NXPE2: variants seen among roughly 807,000 people sequenced by gnomAD.
The protein encoded by NXPE2 is neurexophilin and PC-esterase domain family member 2, also known as NXPE family member 2.
A neutral mutation model predicts 34.4 loss-of-function variants in NXPE2; 34 were observed. The ratio of observed to expected loss-of-function variants is 0.99; its 90% CI spans 0.75 to 1.31. The LOEUF is 1.31. Among genes scored for constraint, NXPE2 ranks in the 40% most tolerant of loss-of-function variants. The pLI is 0.00. For missense variants in NXPE2, 649 were observed against 672.5 expected (o/e 0.97, Z 0.39); for synonymous variants, 235 against 231.3 (o/e 1.02, Z -0.15).
the NXPE2 span, among the ~76,000 whole-genome samples, chr11:114,558,345 T>C: frequency 6.6e-6 from 1 of 152,166 alleles, no homozygotes; most frequent in African/African-American, 2.4e-5. Flanking sequence ...TAGGCACACA[T>C]AGAGAACAAA....
At chr11:114,600,862 A>G in the NXPE2 span, among the ~76,000 whole-genome samples, 1 of 152,090 alleles carries the variant, frequency 6.6e-6, no homozygotes, top group Non-Finnish European at 1.5e-5. Context: ...AAACTTTTCT[A>G]TAATTCAAAA....
the NXPE2 span, among the ~76,000 whole-genome samples, chr11:114,525,578 C>T: frequency 6.6e-6 from 1 of 152,102 alleles, no homozygotes; most frequent in African/African-American, 2.4e-5. Context: ...TCCCCCCTTA[C>T]TATTCTTAAA....
At chr11:114,488,277 A>G in the NXPE2 span, among the ~76,000 whole-genome samples, 2 of 152,132 alleles carry the variant, frequency 1.3e-5, no homozygotes, top group Admixed American at 6.5e-5. Context: ...AGGTTTTCCA[A>G]TTTATTGGCA....
the NXPE2 span, among the ~76,000 whole-genome samples, chr11:114,603,418 T>A: frequency 1.0e-3 from 152 of 151,400 alleles, 1 homozygote; most frequent in Admixed American, 8.2e-3. Flanking sequence ...TGGTGGATGA[T>A]AAGTATTGCC....
chr11:114,583,034 C>T, the NXPE2 span: 1 of 1,594,458 alleles, frequency 6.3e-7, no homozygotes, highest in South Asian at 1.1e-5. Flanking sequence ...GAAATGACAG[C>T]AAATGTGACA....
At chr11:114,542,864 T>C in the NXPE2 span, among the ~76,000 whole-genome samples, 1 of 152,148 alleles carries the variant, frequency 6.6e-6, no homozygotes, top group South Asian at 2.1e-4. Flanking sequence ...TATGAAGACA[T>C]GAATATATAT....
chr11:114,685,441 C>T (rs1591429706), intron 2 of NXPE2, among the ~76,000 whole-genome samples: 1 of 152,224 alleles, frequency 6.6e-6, no homozygotes, highest in South Asian at 2.1e-4. Context: ...AAGGCACTAA[C>T]TTTATTAATG....
the NXPE2 span, among the ~76,000 whole-genome samples, chr11:114,625,403 T>G: frequency 2.0e-5 from 3 of 152,138 alleles, no homozygotes; most frequent in Non-Finnish European, 4.4e-5. Flanking sequence ...TAATAAGTAT[T>G]GCCTCATGGG....
At chr11:114,524,694 C>T in the NXPE2 span, among the ~76,000 whole-genome samples, 1 of 152,160 alleles carries the variant, frequency 6.6e-6, no homozygotes, top group East Asian at 1.9e-4. Context: ...GCACACTTTG[C>T]TGAGAACATA....
At chr11:114,528,274 A>T in the NXPE2 span, among the ~76,000 whole-genome samples, 1 of 152,114 alleles carries the variant, frequency 6.6e-6, no homozygotes, top group Non-Finnish European at 1.5e-5. Flanking sequence ...TGGTCATGCA[A>T]GTCTCAGTTT....
At chr11:114,627,750 T>G in the NXPE2 span, among the ~76,000 whole-genome samples, 9 of 152,116 alleles carry the variant, frequency 5.9e-5, no homozygotes, top group Non-Finnish European at 1.2e-4. Context: ...TCAAGACCCA[T>G]CAGTGTGCTG....
At chr11:114,743,317 A>G in the NXPE2 span, among the ~76,000 whole-genome samples, 4 of 152,138 alleles carry the variant, frequency 2.6e-5, no homozygotes, top group Non-Finnish European at 4.4e-5. Flanking sequence ...TAAATTATGC[A>G]TGTTATGTTG....
chr11:114,522,477 T>C, the NXPE2 span: 8 of 1,603,886 alleles, frequency 5.0e-6, 1 homozygote, highest in South Asian at 7.8e-5. Context: ...AAGATTCCAG[T>C]TTCATGAAGA....
the NXPE2 span, among the ~76,000 whole-genome samples, chr11:114,783,335 C>A: frequency 6.6e-6 from 1 of 152,196 alleles, no homozygotes; most frequent in African/African-American, 2.4e-5. Flanking sequence ...ACTGTTCCCA[C>A]CTGAGGGGCC....
the NXPE2 span, among the ~76,000 whole-genome samples, chr11:114,804,958 A>G: frequency 2.6e-5 from 4 of 151,532 alleles, no homozygotes; most frequent in South Asian, 8.3e-4. Flanking sequence ...AATTTCCCTT[A>G]TGAAACTCCC....
At chr11:114,566,150 T>C in the NXPE2 span, among the ~76,000 whole-genome samples, 1 of 152,206 alleles carries the variant, frequency 6.6e-6, no homozygotes, top group Non-Finnish European at 1.5e-5. Flanking sequence ...GGCAATTAGA[T>C]ATGCAAGTCC....
At chr11:114,593,049 T>C in the NXPE2 span, among the ~76,000 whole-genome samples, 1 of 152,148 alleles carries the variant, frequency 6.6e-6, no homozygotes, top group Non-Finnish European at 1.5e-5. Flanking sequence ...AAGACTGATA[T>C]GCATGACCCA....
the NXPE2 span, among the ~76,000 whole-genome samples, chr11:114,538,875 G>T: frequency 6.6e-6 from 1 of 151,964 alleles, no homozygotes; most frequent in Non-Finnish European, 1.5e-5. Context: ...AGTCAGTGTG[G>T]TGATTCCTCA....
At chr11:114,659,721 A>G in the NXPE2 span, among the ~76,000 whole-genome samples, 1 of 152,160 alleles carries the variant, frequency 6.6e-6, no homozygotes, top group Non-Finnish European at 1.5e-5. Context: ...TTAGAAAAGA[A>G]CAAAGGTCTA....
Sources: allele counts gnomAD v4.1 joint callset (sites outside exome capture counted in the v4.1 genomes callset), GRCh38; gene constraint gnomAD v4.1.1; transcripts MANE v1.5; gene names NCBI Gene and HGNC (gene_info 2026-07-23, HGNC 2026-07-21).